The following FCRL3 variants were observed in gnomAD, a reference collection of about 807,000 sequenced individuals.
FCRL3 encodes Fc receptor like 3.
Under a neutral mutation model 75.0 loss-of-function variants are expected in FCRL3, and 89 were observed. The observed-to-expected ratio is 1.19, with a 90% CI of 1.00 to 1.42. The LOEUF (loss-of-function observed/expected upper bound fraction) is 1.42, where lower values mean the gene tolerates loss of function less well. Among genes scored for constraint, FCRL3 ranks in the 40% most tolerant of loss-of-function variants. FCRL3 has a pLI of 0.00. For synonymous variants in FCRL3, 376 were observed against 348.5 expected (o/e 1.08, Z -0.88); for missense variants, 946 against 880.0 (o/e 1.07, Z -0.95).
At chr1:157,685,712 A>G (rs369772706) in intron 10 of FCRL3, among the ~76,000 whole-genome samples, 45 of 152,304 alleles carry the variant, frequency 3.0e-4, no homozygotes, top group African/African-American at 1.0e-3. Flanking sequence ...CATAAAGCAG[A>G]TATCAATAAA....
Position 157,678,795 on chromosome 1 carries a change from GC to G in FCRL3, c.2119del (p.Ala707LeufsTer95). ...KTHPDDSAGE[A>X]SSRGRAHEED... ...TTCATGGGCCCTGCCTCTGCTGCTA[GC>G]CTCCCCTGCAGAGTCGTCTGGGTGT... On this transcript the variant is annotated frameshift_variant, in exon 15 of 15. Coordinates refer to ENST00000368184, the MANE Select transcript of FCRL3 (RefSeq NM_052939.4). LOFTEE classifies it low-confidence loss of function (END_TRUNC). 6.2e-7 allele frequency: 1 copy of G among 1,614,076 alleles called. No individual in the cohort carries two copies. Among genetic ancestry groups the G allele is most frequent in the Non-Finnish European group, 8.5e-7 (1 of 1,180,004 alleles).
chr1:157,686,919 AAAAC>A (rs1655211798), intron 10 of FCRL3, among the ~76,000 whole-genome samples: 2 of 152,156 alleles, frequency 1.3e-5, no homozygotes, highest in African/African-American at 4.8e-5. Flanking sequence ...AATTGCAACA[AAAAC>A]AAAAATTGAC....
At position 157,697,937 on chromosome 1, in the gene FCRL3, G is replaced by A. The variant is rs1306151424; in HGVS notation, c.299-18C>T. The A allele has an allele frequency of 3.1e-6, 5 of 1,610,734 alleles. No homozygotes were observed. Among genetic ancestry groups the A allele is most frequent in the East Asian group, 4.5e-5 (2 of 44,808 alleles). On this transcript the variant is annotated intron_variant, in intron 4 of 14. Coordinates refer to ENST00000368184, the MANE Select transcript of FCRL3 (RefSeq NM_052939.4). ...CAGCCAGTCTGCAAAGAGCACAGGA[G>A]CACACTCAGGTTATCCCCTGCTGTT...
intron 8 of FCRL3, 79 bp from the exon 9 acceptor site, chr1:157,690,612 T>C: frequency 6.5e-7 from 1 of 1,529,588 alleles, no homozygotes; most frequent in South Asian, 1.3e-5. Flanking sequence ...ATATGCAGCA[T>C]AGTTGAGTTG....
In FCRL3 at chr1:157,700,549, CAAG is replaced by C; in HGVS notation, c.-63_-61del. 1 of 1,613,272 alleles carries C rather than the reference CAAG, an allele frequency of 6.2e-7. No individual in the cohort carries two copies. Among genetic ancestry groups the C allele is most frequent in the Non-Finnish European group, 8.5e-7 (1 of 1,179,622 alleles). On this transcript the variant is annotated 5_prime_UTR_variant, in exon 2 of 15. Transcript: ENST00000368184. Reference sequence around the variant, plus strand: ...TCTCACCAAAAGCCCGACTTATCTCCAAGAAGGAGGGCAGGAAGCTGCTACTCA... The same window carrying C: ...TCTCACCAAAAGCCCGACTTATCTCCAAGGAGGGCAGGAAGCTGCTACTCA...
At chr1:157,691,417 T>C (rs994755167) in intron 8 of FCRL3, among the ~76,000 whole-genome samples, 22 of 152,348 alleles carry the variant, frequency 1.4e-4, no homozygotes, top group African/African-American at 5.3e-4. Flanking sequence ...ATAAGGATCT[T>C]AAGCTCTGCT....
Position 157,676,581 on chromosome 1 carries a change from T to C in FCRL3, c.*2129A>G, listed in dbSNP as rs187231737. On this transcript the variant is annotated 3_prime_UTR_variant, in exon 15 of 15. Transcript: ENST00000368184. ...TTAGTTGTGAATTCAAAGATAAAAG[T>C]CAAGTAGAGCACTGCATGAGAATAA... is the stretch of plus-strand genomic sequence containing the variant. 8 of 821,808 alleles carry C rather than the reference T, an allele frequency of 9.7e-6. No homozygotes were observed. In the Admixed American group the frequency reaches 2.0e-4, roughly 21 times the overall value. 50.9% of individuals were successfully genotyped at this position (821,808 alleles called of 1,614,324 possible).
intron 8 of FCRL3, among the ~76,000 whole-genome samples, chr1:157,690,999 C>CTATGTATG (rs57070872): frequency 0.17 from 25,344 of 148,818 alleles, 2,518 homozygotes; most frequent in African/African-American, 0.27. Context: ...TGACATCTGT[C>CTATGTATG]TATGTATGTA....
Position 157,697,662 on chromosome 1 carries a change from G to T in FCRL3, c.556C>A (p.Gln186Lys), listed in dbSNP as rs1448981338. 4 of 1,612,572 alleles carry T rather than the reference G, an allele frequency of 2.5e-6. No individual in the cohort carries two copies. Among genetic ancestry groups the T allele is most frequent in the African/African-American group, 1.3e-5 (1 of 74,912 alleles). The change falls in exon 5 of 15, where the codon CAA becomes AAA. Residue 186 changes from glutamine (Q) to lysine (K), a missense_variant. Gln to Lys is a moderately conservative substitution (Grantham distance 53). Coordinates refer to ENST00000368184, the MANE Select transcript of FCRL3 (RefSeq NM_052939.4). ...TCCACAGGAATCTAGCCATTACCTT[G>T]AACTTGGATATTTAGGGGTTTTGAA... is the stretch of plus-strand genomic sequence containing the variant. ...VTSKPLNIQVQELFLHPVLRA... is the reference protein window; with the variant it reads ...VTSKPLNIQVKELFLHPVLRA...
intron 10 of FCRL3, among the ~76,000 whole-genome samples, chr1:157,688,023 T>A (rs372993309): frequency 6.7e-4 from 102 of 152,052 alleles, no homozygotes; most frequent in South Asian, 3.9e-3. Flanking sequence ...CAAAAATAAG[T>A]CAAAGTAAAG....
At position 157,690,517 on chromosome 1, in the gene FCRL3, G is replaced by C; in HGVS notation, c.1428C>G (p.Pro476=). 2 of 1,614,124 alleles carry C rather than the reference G, an allele frequency of 1.2e-6. No individual in the cohort carries two copies. The highest frequency in any genetic ancestry group is 1.7e-6 in the Non-Finnish European group (2 of 1,179,990). The change falls in exon 9 of 15, where the codon CCC becomes CCG. Residue 476 remains proline, a synonymous_variant. Coordinates refer to ENST00000368184, the MANE Select transcript of FCRL3 (RefSeq NM_052939.4). The part of the protein sequence containing the change: ...SLRVTVPVSR[P]VLTLRAPGAQ... ...CCCCGGGAGCCCTGAGGGTGAGGAC[G>C]GGGCGAGACACCGGAACTGAGGGAG... is the stretch of plus-strand genomic sequence containing the variant.
rs752168518 is a variant in FCRL3 at position 157,680,965 on chromosome 1, C to G, written c.1957+16G>C. ...GGCTCCTCCCTAGAGCCTTCTGCCC[C>G]CTAGGGAGTCCTCACCATTGCTGTA... On this transcript the variant is annotated intron_variant, in intron 12 of 14. Transcript: ENST00000368184. 1.7e-5 allele frequency: 26 copies of G among 1,561,694 alleles called. No individual in the cohort carries two copies. In the East Asian group the frequency reaches 5.1e-4, roughly 31 times the overall value.
chr1:157,700,674 T>G lies in FCRL3; in HGVS notation c.-109A>C, dbSNP rs978564967. ...TGAATGTGGCTACCTTCCTAAATGCTGTTTGTATCTCAATCCCGGTAGTGA... is the reference window on the plus strand; with the variant it reads ...TGAATGTGGCTACCTTCCTAAATGCGGTTTGTATCTCAATCCCGGTAGTGA... On this transcript the variant is annotated 5_prime_UTR_variant, in exon 1 of 15. Coordinates refer to ENST00000368184, the MANE Select transcript of FCRL3 (RefSeq NM_052939.4). 2.1e-6 allele frequency: 3 copies of G among 1,459,652 alleles called. No homozygotes were observed. The highest frequency in any genetic ancestry group is 1.8e-6 in the Non-Finnish European group (2 of 1,103,188). The allele number at this position is 1,459,652 out of a possible 1,614,324, so 90.4% of individuals were successfully genotyped here.
rs1654630581 is a variant in FCRL3 at position 157,678,846 on chromosome 1, A to G, written c.2069T>C (p.Val690Ala). The change falls in exon 15 of 15, where the codon GTC (valine) becomes GCC (alanine). Residue 690 changes from valine (V) to alanine (A), a missense_variant. Transcript: ENST00000368184. ...TGTCTTCTTCAGTTCTGAATAGAGG[A>G]CTGTAAGTTCCTGGTAGAAAAAAAC... ...MMHQEHEELT[V>A]LYSELKKTHP... The G allele has an allele frequency of 6.2e-7, 1 of 1,613,772 alleles. No individual in the cohort carries two copies. Among genetic ancestry groups the G allele is most frequent in the Admixed American group, 1.7e-5 (1 of 59,916 alleles).
Position 157,690,386 on chromosome 1 carries a change from A to T in FCRL3, c.1559T>A (p.Ile520Asn), listed in dbSNP as rs1655440478. The change falls in exon 9 of 15, where the codon ATC (isoleucine) becomes AAC (asparagine). Residue 520 changes from isoleucine to asparagine, a missense_variant. Coordinates refer to ENST00000368184, the MANE Select transcript of FCRL3 (RefSeq NM_052939.4). The part of the protein sequence containing the change: ...FYHEDDTLGN[I>N]SAHSGGGASF... Reference sequence around the variant, plus strand: ...TGCCCCTCCTCCAGAGTGGGCCGAGATGTTCCCCAAGGTGTCATCCTCGTG... The same window carrying T: ...TGCCCCTCCTCCAGAGTGGGCCGAGTTGTTCCCCAAGGTGTCATCCTCGTG... The T allele has an allele frequency of 6.2e-7, 1 of 1,614,074 alleles. No homozygotes were observed. Among genetic ancestry groups the T allele is most frequent in the African/African-American group, 1.3e-5 (1 of 74,914 alleles).
chr1:157,694,219 C>A lies in FCRL3; in HGVS notation c.1411+1110G>T, dbSNP rs77067697. 6.0e-3 allele frequency among the ~76,000 whole-genome samples: 919 copies of A among 152,158 alleles called. 6 individuals are homozygous for A. The highest frequency in any genetic ancestry group is 0.021 in the African/African-American group (865 of 41,504). Reference sequence around the variant, plus strand: ...TGGTGCGAGATCCAGAATTCTTATACCCCCATGATTTGCTGACTCAATTAC... The same window carrying A: ...TGGTGCGAGATCCAGAATTCTTATAACCCCATGATTTGCTGACTCAATTAC... On this transcript the variant is annotated intron_variant, in intron 8 of 14. Transcript: ENST00000368184.
In FCRL3 at chr1:157,690,023, C is replaced by T; in HGVS notation, c.1691-106G>A. 6.0e-6 allele frequency: 9 copies of T among 1,506,988 alleles called. 1 individual carries two copies. The Middle Eastern group carries it at 8.9e-4, about 149-fold the overall frequency. 93.4% of individuals were successfully genotyped at this position (1,506,988 alleles called of 1,614,324 possible). A position where few individuals can be genotyped will look rare whatever the true frequency, so the allele number is the denominator to read the frequency against. The stretch of plus-strand genomic sequence containing the variant: ...TTCCAGTTTCTGATTCCTCCTGTAG[C>T]ATCATTTGTAATTTTCAAAACTATG... On this transcript the variant is annotated intron_variant, in intron 9 of 14. Coordinates refer to ENST00000368184, the MANE Select transcript of FCRL3 (RefSeq NM_052939.4).
rs140166500 is a variant in FCRL3 at position 157,695,504 on chromosome 1, C to G, written c.1236G>C (p.Pro412=). Reference sequence around the variant, plus strand: ...CCTCATGATAAAATCGGTACAGGATCGGGGGAGAGCCTCTCAGGGACTCAC... The same window carrying G: ...CCTCATGATAAAATCGGTACAGGATGGGGGGAGAGCCTCTCAGGGACTCAC... ...LHCESLRGSP[P]ILYRFYHEDV... The change falls in exon 8 of 15, where the codon CCG becomes CCC. Residue 412 remains proline (P), a synonymous_variant. Coordinates refer to ENST00000368184, the MANE Select transcript of FCRL3 (RefSeq NM_052939.4). 1.9e-6 allele frequency: 3 copies of G among 1,614,124 alleles called. No homozygotes were observed. The highest frequency in any genetic ancestry group is 2.2e-5 in the East Asian group (1 of 44,880).
chr1:157,676,873 T>C lies in FCRL3; in HGVS notation c.*1837A>G. The C allele has an allele frequency of 6.6e-7, 1 of 1,521,642 alleles. No individual in the cohort carries two copies. Among genetic ancestry groups the C allele is most frequent in the East Asian group, 2.5e-5 (1 of 40,484 alleles). The allele number at this position is 1,521,642 out of a possible 1,614,324, so 94.3% of individuals were successfully genotyped here. A position where few individuals can be genotyped will look rare whatever the true frequency, so the allele number is the denominator to read the frequency against. On this transcript the variant is annotated 3_prime_UTR_variant, in exon 15 of 15. Coordinates refer to ENST00000368184, the MANE Select transcript of FCRL3 (RefSeq NM_052939.4). Reference sequence around the variant, plus strand: ...AGGTAATTCCAAATCAGCAGCAGGGTTAGAAAGGAGGAGAGCCTCCATATA... The same window carrying C: ...AGGTAATTCCAAATCAGCAGCAGGGCTAGAAAGGAGGAGAGCCTCCATATA...
Sources: allele counts gnomAD v4.1 joint callset (sites outside exome capture counted in the v4.1 genomes callset), GRCh38; gene constraint gnomAD v4.1.1; transcripts MANE v1.5; gene names NCBI Gene and HGNC (gene_info 2026-07-23, HGNC 2026-07-21).